RSPO4: variants seen among roughly 807,000 people sequenced by gnomAD.
The protein encoded by RSPO4 is R-spondin-4.
A neutral mutation model predicts 24.8 loss-of-function variants in RSPO4; 23 were observed. The ratio of observed to expected loss-of-function variants is 0.93; its 90% confidence interval spans 0.67 to 1.31. The LOEUF (loss-of-function observed/expected upper bound fraction) is 1.31, where lower values mean the gene tolerates loss of function less well. RSPO4 is among the 40% of genes most tolerant of loss of function. The pLI is 0.00. For synonymous variants in RSPO4, 141 were observed against 127.4 expected (o/e 1.11, Z -0.72); for missense variants, 333 against 316.5 (o/e 1.05, Z -0.39).
Position 992,263 on chromosome 20 carries a change from C to CTTT in RSPO4, c.79+9820_79+9822dup, listed in dbSNP as rs35286852. ...ACTGCTGTCCTCTGAGGTCCACTTTCTTTTTTTTTTTTTTTTTTTTGAGAC... is the reference window on the plus strand; with the variant it reads ...ACTGCTGTCCTCTGAGGTCCACTTTCTTTTTTTTTTTTTTTTTTTTTTTGAGAC... On this transcript the variant is annotated intron_variant, in intron 1 of 4. Transcript: ENST00000217260. Among the ~76,000 whole-genome samples, 739 of 123,456 alleles carry CTTT rather than the reference C, an allele frequency of 6.0e-3. 25 individuals carry two copies. Among genetic ancestry groups the CTTT allele is most frequent in the African/African-American group, 0.022 (657 of 29,802 alleles). The allele number at this position is 123,456 out of a possible 152,430, so 81.0% of individuals were successfully genotyped here.
chr20:973,038 A>C (rs887446525), intron 1 of RSPO4, among the ~76,000 whole-genome samples: 1 of 152,212 alleles, frequency 6.6e-6, no homozygotes, highest in Non-Finnish European at 1.5e-5. Context: ...ACCGAGAATC[A>C]AGGAGGTGAA....
chr20:979,341 C>A (rs1482624235), intron 1 of RSPO4, among the ~76,000 whole-genome samples: 2 of 152,174 alleles, frequency 1.3e-5, no homozygotes, highest in Non-Finnish European at 2.9e-5. Context: ...CTCCCTCCCT[C>A]AAATGTCTCC....
rs1985486490 is a variant in RSPO4 at position 1,002,093 on chromosome 20, C to T, written c.72G>A (p.Lys24=). Reference sequence around the variant, plus strand: ...CCCAGCCACCCCTTGTACCTTGCTTCTTCCTTCGGTTCAGGGCGAGCATGT... The same window carrying T: ...CCCAGCCACCCCTTGTACCTTGCTTTTTCCTTCGGTTCAGGGCGAGCATGT... ...AVDMLALNRR[K]KQVGTGLGGN... Residue 24 remains lysine (K), a synonymous_variant, in exon 1 of 5, where the codon AAG becomes AAA. Transcript: ENST00000217260. The surrounding 1 kb of genome is among the most constrained non-coding windows in gnomAD (Gnocchi z 4.6). 1 of 1,559,492 alleles carries T rather than the reference C, an allele frequency of 6.4e-7. No individual in the cohort carries two copies.
At chr20:992,250 T>G (rs1036592866) in intron 1 of RSPO4, among the ~76,000 whole-genome samples, 4 of 149,856 alleles carry the variant, frequency 2.7e-5, no homozygotes, top group African/African-American at 9.9e-5. Flanking sequence ...TGCTGTCCTC[T>G]GAGGTCCACT....
chr20:991,816 G>C (rs979741525), intron 1 of RSPO4, among the ~76,000 whole-genome samples: 2 of 151,918 alleles, frequency 1.3e-5, no homozygotes, highest in Non-Finnish European at 2.9e-5. Flanking sequence ...ATTTAAAAAT[G>C]TAAGAATACA....
chr20:1,000,121 G>C (rs190752271), intron 1 of RSPO4, among the ~76,000 whole-genome samples: 2 of 152,138 alleles, frequency 1.3e-5, no homozygotes. Context: ...CGCCTGCCTT[G>C]GCCTCCCAAA....
At chr20:973,945 C>CA (rs1984487035) in intron 1 of RSPO4, among the ~76,000 whole-genome samples, 2 of 152,086 alleles carry the variant, frequency 1.3e-5, no homozygotes, top group African/African-American at 4.8e-5. Flanking sequence ...TTTTTGACTT[C>CA]CGGTAGCCTG....
intron 1 of RSPO4, among the ~76,000 whole-genome samples, chr20:995,246 T>C (rs1433409804): frequency 3.3e-5 from 5 of 152,028 alleles, no homozygotes; most frequent in African/African-American, 1.2e-4. Context: ...AACAAGAAGG[T>C]GGTTAATGGC....
intron 1 of RSPO4, among the ~76,000 whole-genome samples, chr20:995,244 G>A (rs1224778552): frequency 6.6e-6 from 1 of 152,218 alleles, no homozygotes; most frequent in African/African-American, 2.4e-5. Context: ...CAAACAAGAA[G>A]GTGGTTAATG....
At chr20:975,636 A>G (rs1984538675) in intron 1 of RSPO4, among the ~76,000 whole-genome samples, 2 of 152,202 alleles carry the variant, frequency 1.3e-5, no homozygotes, top group African/African-American at 4.8e-5. Context: ...AAAGTGATAA[A>G]GGCTTATGAC....
rs769012270 is a variant in RSPO4, at chr20:967,998, G to A, written c.220C>T (p.Pro74Ser). 39 of 1,614,126 alleles carry A rather than the reference G, an allele frequency of 2.4e-5. No individual in the cohort carries two copies. The highest frequency in any genetic ancestry group is 3.1e-5 in the Non-Finnish European group (36 of 1,180,054). Residue 74 changes from proline (P) to serine (S), a missense_variant, in exon 2 of 5, where the codon CCC becomes TCC. Coordinates refer to ENST00000217260, the MANE Select transcript of RSPO4 (RefSeq NM_001029871.4). ...CCGCGGATGCCGAAGTACCCAGGGG[G>A]ACAGTCGTGCAGGCACTTGCCGTAC... is the stretch of plus-strand genomic sequence containing the variant. The part of the protein sequence containing the change: ...RQYGKCLHDC[P>S]PGYFGIRGQE...
rs1264261351 is a variant in RSPO4, at chr20:960,241, AAG to A, written c.*114_*115del. On this transcript the variant is annotated 3_prime_UTR_variant, in exon 5 of 5. Transcript: ENST00000217260. ...GAAAAATGATAGAAGGGTGGAAAGA[AAG>A]AGAGGACAAATGGAGAAGACAGAGG... The A allele has an allele frequency of 7.3e-6, 5 of 689,508 alleles. No homozygotes were observed. Among genetic ancestry groups the A allele is most frequent in the African/African-American group, 7.1e-5 (4 of 55,992 alleles). 42.7% of individuals were successfully genotyped at this position (689,508 alleles called of 1,614,324 possible). A position where few individuals can be genotyped will look rare whatever the true frequency, so the allele number is the denominator to read the frequency against.
chr20:961,084 ACCTTT>A (rs1047877601), intron 4 of RSPO4, among the ~76,000 whole-genome samples: 42 of 152,022 alleles, frequency 2.8e-4, no homozygotes, highest in African/African-American at 9.7e-4. Context: ...GTGCCAGGCT[ACCTTT>A]CCTTTCTTTT....
intron 3 of RSPO4, among the ~76,000 whole-genome samples, chr20:966,247 G>A (rs564410764): frequency 5.9e-5 from 9 of 152,100 alleles, no homozygotes; most frequent in African/African-American, 1.7e-4. Flanking sequence ...CCAAGGAGCA[G>A]CCTAGTGCAG....
intron 1 of RSPO4, among the ~76,000 whole-genome samples, chr20:980,475 G>A (rs1984701312): frequency 6.6e-6 from 1 of 152,168 alleles, no homozygotes; most frequent in Non-Finnish European, 1.5e-5. Flanking sequence ...ACCCCCAGTA[G>A]AGAGTGAGCA....
intron 3 of RSPO4, among the ~76,000 whole-genome samples, chr20:964,797 T>C (rs549136486): frequency 0.11 from 10,922 of 100,934 alleles, 1,276 homozygotes; most frequent in African/African-American, 0.37. Flanking sequence ...TACACATATA[T>C]ACACACATAC....
intron 1 of RSPO4, among the ~76,000 whole-genome samples, chr20:975,313 A>T (rs536989306): frequency 1.2e-4 from 19 of 152,232 alleles, no homozygotes; most frequent in Admixed American, 2.6e-4. Context: ...CCCAGCTGAG[A>T]TGCACATTTT....
At chr20:963,264 A>G (rs13045049) in intron 4 of RSPO4, among the ~76,000 whole-genome samples, 3,461 of 152,230 alleles carry the variant, frequency 0.023, 78 homozygotes, top group African/African-American at 0.057. Context: ...GTAGCTGAAA[A>G]GTCTGCTTGC....
intron 3 of RSPO4, among the ~76,000 whole-genome samples, chr20:966,690 AC>A (rs1275592084): frequency 6.6e-6 from 1 of 152,146 alleles, no homozygotes. Flanking sequence ...GCCTGTCTTT[AC>A]AAAAACATAA....
Sources: gnomAD v4.1 joint callset for allele counts (sites outside exome capture counted in the v4.1 genomes callset) on GRCh38, gnomAD v4.1.1 for gene constraint, Gnocchi (gnomAD v3.1) non-coding constraint, MANE v1.5 for transcripts, NCBI Gene and HGNC (gene_info 2026-07-23, HGNC 2026-07-21) for gene names.